PGAP4: variants seen among roughly 807,000 people sequenced by gnomAD.
PGAP4 encodes the protein GPI-N-acetylgalactosamine transferase PGAP4.
PGAP4 carries 12 observed loss-of-function variants against 28.2 expected under a neutral mutation model. The observed-to-expected ratio is 0.42, with a 90% CI of 0.27 to 0.69. The LOEUF is 0.69. Among genes scored for constraint, PGAP4 ranks in the 30% least tolerant of loss-of-function variants. PGAP4 has a pLI of 0.22. For synonymous variants in PGAP4, 205 were observed against 211.8 expected (o/e 0.97, Z 0.28); for missense variants, 425 against 513.5 (o/e 0.83, Z 1.67).
chr9:101,532,870 C>T (rs1421142428), exon 1 of PGAP4: 1 of 152,122 alleles, frequency 6.6e-6, no homozygotes, highest in Admixed American at 6.5e-5. Context: ...AACAGAAATC[C>T]AGTGTAGATT....
intron 2 of PGAP4, among the ~76,000 whole-genome samples, chr9:101,497,543 A>C (rs1156492150): frequency 1.3e-5 from 2 of 151,622 alleles, no homozygotes; most frequent in Admixed American, 1.3e-4. Context: ...AAACCCTGAC[A>C]CCTTAATATA....
At chr9:101,516,055 G>A (rs1256417233) in intron 2 of PGAP4, among the ~76,000 whole-genome samples, 1 of 152,050 alleles carries the variant, frequency 6.6e-6, no homozygotes, top group Non-Finnish European at 1.5e-5. Flanking sequence ...ATACAATTAT[G>A]ATTTGTCAAT....
intron 2 of PGAP4, among the ~76,000 whole-genome samples, chr9:101,519,082 T>G (rs1158763608): frequency 6.6e-6 from 1 of 152,184 alleles, no homozygotes; most frequent in Non-Finnish European, 1.5e-5. Context: ...GAACACTTTT[T>G]CATATGTTTA....
chr9:101,489,231 A>G (rs1272975617), upstream of PGAP4: 1 of 152,230 alleles, frequency 6.6e-6, no homozygotes, highest in Admixed American at 6.5e-5. Flanking sequence ...ATAGAAAAAA[A>G]AGAAGAATAA....
chr9:101,530,023 T>C (rs1270929302), intron 2 of PGAP4, among the ~76,000 whole-genome samples: 2 of 152,234 alleles, frequency 1.3e-5, no homozygotes, highest in Non-Finnish European at 2.9e-5. Context: ...GAATTATGTC[T>C]GGCATACAAT....
chr9:101,503,916 A>G (rs994665229), intron 2 of PGAP4, among the ~76,000 whole-genome samples: 2 of 152,084 alleles, frequency 1.3e-5, no homozygotes. Context: ...ATAGGAGGCC[A>G]TTGTTTTGGA....
chr9:101,527,985 AGGGTGTGCCT>A (rs1240813888), intron 2 of PGAP4, among the ~76,000 whole-genome samples: 2 of 152,196 alleles, frequency 1.3e-5, no homozygotes, highest in Non-Finnish European at 2.9e-5. Flanking sequence ...AGGGTAAGTT[AGGGTGTGCCT>A]GGGTGTGCCT....
intron 2 of PGAP4, among the ~76,000 whole-genome samples, chr9:101,493,148 G>A (rs1022381687): frequency 6.6e-6 from 1 of 151,834 alleles, no homozygotes; most frequent in Non-Finnish European, 1.5e-5. Context: ...CAGCTACTCG[G>A]GAGGCTGAGG....
At chr9:101,482,079 C>A (rs1826505770) in intron 1 of PGAP4, among the ~76,000 whole-genome samples, 1 of 152,172 alleles carries the variant, frequency 6.6e-6, no homozygotes, top group Admixed American at 6.5e-5. Context: ...CCAACACTCA[C>A]TAATTTGATC....
intron 2 of PGAP4, among the ~76,000 whole-genome samples, chr9:101,494,686 C>A (rs1271997234): frequency 1.3e-5 from 2 of 151,614 alleles, no homozygotes; most frequent in African/African-American, 4.8e-5. Flanking sequence ...CCATGAAAAG[C>A]AATTTTAGAC....
chr9:101,531,919 G>A (rs1827093820), intron 1 of PGAP4, among the ~76,000 whole-genome samples: 1 of 152,206 alleles, frequency 6.6e-6, no homozygotes, highest in South Asian at 2.1e-4. Context: ...AAGATTAGTG[G>A]GGATTATGGT....
At chr9:101,489,232 A>G (rs1214822792), upstream of PGAP4, 1 of 152,242 alleles carries the variant, frequency 6.6e-6, no homozygotes, top group Non-Finnish European at 1.5e-5. Flanking sequence ...TAGAAAAAAA[A>G]GAAGAATAAT....
chr9:101,524,916 TA>T (rs1827021462), intron 2 of PGAP4, among the ~76,000 whole-genome samples: 1 of 152,160 alleles, frequency 6.6e-6, no homozygotes, highest in South Asian at 2.1e-4. Flanking sequence ...GATCTGGAGC[TA>T]AAATTCATAA....
rs73501253 is a variant in PGAP4 at position 101,478,696 on chromosome 9, G to A, written c.-77-1527C>T. Among the ~76,000 whole-genome samples the A allele has an allele frequency of 7.7e-3, 1,169 of 152,290 alleles. 14 individuals carry two copies. The highest frequency in any genetic ancestry group is 0.027 in the African/African-American group (1,128 of 41,550). ...TGCCAGCTGAATGGAGAGCCCTGGT[G>A]GATCTAGAGGAGGTACAGCCACCAG... On this transcript the variant is annotated intron_variant, in intron 1 of 1. Transcript: ENST00000374848.
chr9:101,517,379 T>G (rs1282317636), intron 2 of PGAP4, among the ~76,000 whole-genome samples: 2 of 151,972 alleles, frequency 1.3e-5, no homozygotes, highest in African/African-American at 4.8e-5. Flanking sequence ...TATATCTATA[T>G]CACATAAAAT....
At chr9:101,483,999 A>G (rs543575032) in intron 1 of PGAP4, among the ~76,000 whole-genome samples, 7 of 152,308 alleles carry the variant, frequency 4.6e-5, no homozygotes, top group African/African-American at 1.4e-4. Context: ...TAGGCACTTT[A>G]ATATAAATTG....
chr9:101,494,751 A>G (rs1438885933), intron 2 of PGAP4, among the ~76,000 whole-genome samples: 2 of 151,792 alleles, frequency 1.3e-5, no homozygotes, highest in African/African-American at 4.8e-5. Flanking sequence ...GTGGATAACA[A>G]GGACTCAGAA....
At chr9:101,520,826 C>G (rs1826983348) in intron 2 of PGAP4, among the ~76,000 whole-genome samples, 1 of 152,148 alleles carries the variant, frequency 6.6e-6, no homozygotes, top group Non-Finnish European at 1.5e-5. Flanking sequence ...TCAACTTTTC[C>G]CCATTCAGTA....
chr9:101,495,706 T>C (rs568181249), intron 2 of PGAP4, among the ~76,000 whole-genome samples: 1 of 150,778 alleles, frequency 6.6e-6, no homozygotes, highest in South Asian at 2.1e-4. Flanking sequence ...AAGGGTTATT[T>C]TTTTTACATC....
Sources: allele counts gnomAD v4.1 joint callset (sites outside exome capture counted in the v4.1 genomes callset), GRCh38; gene constraint gnomAD v4.1.1; transcripts MANE v1.5; gene names NCBI Gene and HGNC (gene_info 2026-07-23, HGNC 2026-07-21).